ELP4: variants seen among roughly 807,000 people sequenced by gnomAD.
The protein encoded by ELP4 is elongator complex protein 4.
Under a neutral mutation model 48.9 loss-of-function variants are expected in ELP4, and 51 were observed. The ratio of observed to expected loss-of-function variants is 1.04; its 90% confidence interval spans 0.83 to 1.32. ELP4 has a LOEUF of 1.32. Ranked by LOEUF, ELP4 falls within the 40% of genes most tolerant of loss-of-function variation. The probability of loss-of-function intolerance (pLI) is 0.00; values close to 1 mark genes in which losing one functional copy is unlikely to be tolerated. For synonymous variants in ELP4, 210 were observed against 189.2 expected (o/e 1.11, Z -0.90); for missense variants, 519 against 514.6 (o/e 1.01, Z -0.08).
intron 5 of ELP4, among the ~76,000 whole-genome samples, chr11:31,617,760 A>T (rs750799476): frequency 6.6e-6 from 1 of 151,390 alleles, no homozygotes; most frequent in Non-Finnish European, 1.5e-5. Flanking sequence ...AAAAGCAAAA[A>T]CAAAATGAGA....
intron 5 of ELP4, among the ~76,000 whole-genome samples, chr11:31,622,770 A>G (rs1314617601): frequency 1.3e-5 from 2 of 151,624 alleles, no homozygotes; most frequent in African/African-American, 4.8e-5. Flanking sequence ...GTCAGAAAAC[A>G]GGTTTACATT....
At chr11:31,658,891 G>A (rs1273670394) in intron 9 of ELP4, among the ~76,000 whole-genome samples, 1 of 151,878 alleles carries the variant, frequency 6.6e-6, no homozygotes, top group East Asian at 1.9e-4. Context: ...CATATTAAGA[G>A]CTATTTTTCT....
At chr11:31,737,201 A>G (rs1270587291) in intron 9 of ELP4, among the ~76,000 whole-genome samples, 2 of 152,208 alleles carry the variant, frequency 1.3e-5, no homozygotes, top group East Asian at 1.9e-4. Context: ...CATCATTCTC[A>G]GCAAACTATT....
At chr11:31,697,885 A>G (rs1946443121) in intron 9 of ELP4, among the ~76,000 whole-genome samples, 1 of 152,258 alleles carries the variant, frequency 6.6e-6, no homozygotes, top group African/African-American at 2.4e-5. Flanking sequence ...TTTTTCAGAA[A>G]GTTGAGAAAG....
At chr11:31,771,744 C>T in intron 9 of ELP4, among the ~76,000 whole-genome samples, 1 of 152,158 alleles carries the variant, frequency 6.6e-6, no homozygotes, top group African/African-American at 2.4e-5. Flanking sequence ...CTTTGGGAGG[C>T]CAAGGCGGGC....
chr11:31,716,258 C>G (rs1052679841), intron 9 of ELP4, among the ~76,000 whole-genome samples: 1 of 152,056 alleles, frequency 6.6e-6, no homozygotes, highest in Admixed American at 6.5e-5. Flanking sequence ...AACCATTCCC[C>G]TGTCTCAGCC....
At chr11:31,640,260 T>C (rs1945065400) in intron 7 of ELP4, among the ~76,000 whole-genome samples, 1 of 152,000 alleles carries the variant, frequency 6.6e-6, no homozygotes, top group Admixed American at 6.6e-5. Context: ...ATTTTACAAA[T>C]AAAATTACTA....
intron 9 of ELP4, among the ~76,000 whole-genome samples, chr11:31,731,067 T>G (rs1265640039): frequency 6.6e-6 from 1 of 151,936 alleles, no homozygotes; most frequent in Non-Finnish European, 1.5e-5. Flanking sequence ...TCCCAGAACC[T>G]CTAATCAGGC....
intron 5 of ELP4, among the ~76,000 whole-genome samples, chr11:31,615,828 T>G (rs1037395005): frequency 2.6e-5 from 4 of 152,048 alleles, no homozygotes; most frequent in African/African-American, 7.2e-5. Flanking sequence ...CCTCTTTAAT[T>G]GCATACCTTG....
At chr11:31,737,244 C>A (rs1034369999) in intron 9 of ELP4, among the ~76,000 whole-genome samples, 3 of 152,092 alleles carry the variant, frequency 2.0e-5, no homozygotes, top group Admixed American at 2.0e-4. Flanking sequence ...TGCATGTTCT[C>A]ACTCATAGGT....
chr11:31,711,654 T>C (rs990737256), intron 9 of ELP4, among the ~76,000 whole-genome samples: 10 of 152,172 alleles, frequency 6.6e-5, no homozygotes, highest in Non-Finnish European at 1.2e-4. Context: ...ATGATAAAGA[T>C]AAATATGTAC....
rs568867028 is a variant in ELP4, at chr11:31,748,119, A to G, written c.1144-35274A>G. ...GAAGATAATTTTAGAACATCCTCCAATTGTTTCCTTTTTCTGCAATGGGCA... is the reference window on the plus strand; with the variant it reads ...GAAGATAATTTTAGAACATCCTCCAGTTGTTTCCTTTTTCTGCAATGGGCA... On this transcript the variant is annotated intron_variant, in intron 9 of 9. Coordinates refer to ENST00000640961, the MANE Select transcript of ELP4 (RefSeq NM_019040.5). 7.9e-5 allele frequency among the ~76,000 whole-genome samples: 12 copies of G among 152,174 alleles called. No homozygotes were observed. In the South Asian group the frequency reaches 2.5e-3, roughly 32 times the overall value.
In ELP4 at chr11:31,647,737, G is replaced by T. The variant is rs1177396575; in HGVS notation, c.928-4G>T. 1.9e-6 allele frequency: 3 copies of T among 1,565,496 alleles called. No individual in the cohort carries two copies. Among genetic ancestry groups the T allele is most frequent in the South Asian group, 1.1e-5 (1 of 90,036 alleles). On this transcript the variant is annotated splice_polypyrimidine_tract_variant and splice_region_variant and intron_variant, in intron 7 of 9. Transcript: ENST00000640961. ...CGTTACTGTTTTGTTTCCATGTTTTGCAGAATAAAGCCATTATTGCCCGTG... is the reference window on the plus strand; with the variant it reads ...CGTTACTGTTTTGTTTCCATGTTTTTCAGAATAAAGCCATTATTGCCCGTG...
At chr11:31,615,997 T>G (rs1363009840) in intron 5 of ELP4, among the ~76,000 whole-genome samples, 1 of 152,122 alleles carries the variant, frequency 6.6e-6, no homozygotes, top group Non-Finnish European at 1.5e-5. Context: ...GTTATCTCAT[T>G]TAATTCTTCA....
intron 3 of ELP4, among the ~76,000 whole-genome samples, chr11:31,579,706 G>T (rs1479846956): frequency 6.7e-6 from 1 of 149,498 alleles, no homozygotes; most frequent in Non-Finnish European, 1.5e-5. Flanking sequence ...AACACCACAG[G>T]TTCTCACTCA....
intron 5 of ELP4, among the ~76,000 whole-genome samples, chr11:31,626,686 A>G (rs1169691029): frequency 6.6e-6 from 1 of 151,854 alleles, no homozygotes. Flanking sequence ...ACTTTGATGG[A>G]AGATGAGCTC....
chr11:31,550,623 G>A (rs1027302800), intron 3 of ELP4, among the ~76,000 whole-genome samples: 9 of 152,130 alleles, frequency 5.9e-5, no homozygotes, highest in African/African-American at 1.7e-4. Flanking sequence ...AAGAGTTGGA[G>A]GAGCCAAATC....
intron 9 of ELP4, among the ~76,000 whole-genome samples, chr11:31,691,093 T>G (rs1273547927): frequency 5.3e-5 from 8 of 152,094 alleles, no homozygotes; most frequent in Non-Finnish European, 1.0e-4. Flanking sequence ...TCAGAATACC[T>G]ATTTTGTTAT....
chr11:31,599,589 G>T (rs1269541757), intron 4 of ELP4: 1 of 151,800 alleles, frequency 6.6e-6, no homozygotes, highest in Admixed American at 6.6e-5. Flanking sequence ...AACAAAAGAG[G>T]TTTAATTGTC....
Sources: gnomAD v4.1 joint callset for allele counts (sites outside exome capture counted in the v4.1 genomes callset) on GRCh38, gnomAD v4.1.1 for gene constraint, MANE v1.5 for transcripts, NCBI Gene and HGNC (gene_info 2026-07-23, HGNC 2026-07-21) for gene names.